VIT: variants seen among roughly 807,000 people sequenced by gnomAD.
VIT encodes the protein vitrin.
VIT carries 99 observed loss-of-function variants against 78.0 expected under a neutral mutation model. The ratio of observed to expected loss-of-function variants is 1.27; its 90% CI spans 1.08 to 1.50. The LOEUF is 1.50. Among genes scored for constraint, VIT ranks in the 40% most tolerant of loss-of-function variants. The probability of loss-of-function intolerance (pLI) is 0.00; values close to 1 mark genes in which losing one functional copy is unlikely to be tolerated. For synonymous variants in VIT, 374 were observed against 334.3 expected, an observed-to-expected ratio of 1.12 and a Z score of -1.29; for missense variants, 1,126 against 875.3, an observed-to-expected ratio of 1.29 and a Z score of -3.61.
chr2:36,715,720 C>T (rs924865883), intron 1 of VIT, among the ~76,000 whole-genome samples: 3 of 151,996 alleles, frequency 2.0e-5, no homozygotes, highest in East Asian at 3.9e-4. Context: ...TTTTAAACTC[C>T]CAGGTGATAC....
intron 4 of VIT, among the ~76,000 whole-genome samples, chr2:36,745,387 G>C (rs755386972): frequency 6.6e-6 from 1 of 151,968 alleles, no homozygotes; most frequent in African/African-American, 2.4e-5. Flanking sequence ...TGTTGAATCT[G>C]TACATTGCTT....
chr2:36,814,177 C>T lies in VIT; in HGVS notation c.1904-6C>T. 6.2e-7 allele frequency: 1 copy of T among 1,614,066 alleles called. No individual in the cohort carries two copies. The highest frequency in any genetic ancestry group is 8.5e-7 in the Non-Finnish European group (1 of 1,179,958). On this transcript the variant is annotated splice_polypyrimidine_tract_variant and splice_region_variant and intron_variant, in intron 15 of 15. Coordinates refer to ENST00000379242, the MANE Select transcript of VIT (RefSeq NM_053276.4). The stretch of plus-strand genomic sequence containing the variant: ...ACATTTGTTCATCTAACCTTTGTCC[C>T]CACAGGAGTGATCACCTATGCGATA...
In VIT at chr2:36,808,693, CAA is replaced by C. The variant is rs767636061; in HGVS notation, c.1613_1614del (p.Lys538ArgfsTer3). 1 of 1,614,206 alleles carries C rather than the reference CAA, an allele frequency of 6.2e-7. No individual in the cohort carries two copies. Among genetic ancestry groups the C allele is most frequent in the Non-Finnish European group, 8.5e-7 (1 of 1,180,030 alleles). On this transcript the variant is annotated frameshift_variant, in exon 15 of 16. Coordinates refer to ENST00000379242, the MANE Select transcript of VIT (RefSeq NM_053276.4). LOFTEE classifies it high-confidence loss of function. ...TCCTCCAGTTTGTGACCAACCTCAC[CAA>C]AGAGTTTGAGATTTCCGACACGGAC... ...TVLQFVTNLT[K>X]EFEISDTDTR...
chr2:36,747,954 A>T (rs1668238060), intron 4 of VIT, among the ~76,000 whole-genome samples: 1 of 152,138 alleles, frequency 6.6e-6, no homozygotes, highest in South Asian at 2.1e-4. Context: ...GCTTATCTGA[A>T]AAGTGTTTTA....
chr2:36,750,113 A>G (rs894761842), intron 4 of VIT, among the ~76,000 whole-genome samples: 30 of 152,256 alleles, frequency 2.0e-4, no homozygotes, highest in Non-Finnish European at 2.9e-4. Context: ...GCTGTTCCAT[A>G]ACTCCAGACT....
chr2:36,808,343 CG>C, intron 14 of VIT, 128 bp from the exon 15 acceptor site: 1 of 1,291,024 alleles, frequency 7.7e-7, no homozygotes, highest in South Asian at 1.6e-5. Context: ...TGGAAGAACA[CG>C]GTAGGAGGGC....
chr2:36,697,067 T>C (rs1400984013), intron 1 of VIT, 94 bp downstream of exon 1: 5 of 145,914 alleles, frequency 3.4e-5, no homozygotes, highest in Admixed American at 6.7e-5. Flanking sequence ...AATACAAAGC[T>C]TGACCGAGTA....
At chr2:36,760,289 G>A (rs1051681521) in intron 6 of VIT, among the ~76,000 whole-genome samples, 3 of 152,106 alleles carry the variant, frequency 2.0e-5, no homozygotes, top group Non-Finnish European at 4.4e-5. Flanking sequence ...CACTGTTCCT[G>A]GCCCATTCTA....
At chr2:36,706,469 A>G (rs183931772) in intron 1 of VIT, among the ~76,000 whole-genome samples, 290 of 152,306 alleles carry the variant, frequency 1.9e-3, no homozygotes, top group African/African-American at 6.6e-3. Context: ...TAGAACCTGG[A>G]AAGTGGTGAG....
At chr2:36,705,209 T>A (rs1402639580) in intron 1 of VIT, among the ~76,000 whole-genome samples, 1 of 152,188 alleles carries the variant, frequency 6.6e-6, no homozygotes, top group Non-Finnish European at 1.5e-5. Context: ...ACCTCGTCTT[T>A]TTGAGGTCCT....
At chr2:36,797,775 C>G (rs541613270) in intron 12 of VIT, among the ~76,000 whole-genome samples, 2 of 152,210 alleles carry the variant, frequency 1.3e-5, no homozygotes, top group East Asian at 3.9e-4. Context: ...GGGGCTAGCA[C>G]CCTATGGAAC....
intron 6 of VIT, among the ~76,000 whole-genome samples, chr2:36,762,835 T>C (rs1404485393): frequency 1.3e-5 from 2 of 152,128 alleles, no homozygotes; most frequent in Non-Finnish European, 2.9e-5. Context: ...TAGAAGGCAC[T>C]TTGATTTGCC....
intron 1 of VIT, among the ~76,000 whole-genome samples, chr2:36,706,286 C>T (rs868533681): frequency 6.6e-6 from 1 of 152,124 alleles, no homozygotes; most frequent in Non-Finnish European, 1.5e-5. Flanking sequence ...TTTCATTTTA[C>T]TACTGATCAT....
chr2:36,765,414 C>CAAGAGAGAGA (rs1553372914), intron 6 of VIT, among the ~76,000 whole-genome samples: 1 of 6,448 alleles, frequency 1.6e-4, no homozygotes, highest in East Asian at 8.9e-3. Flanking sequence ...TGGCAGCAGG[C>CAAGAGAGAGA]GAGAGAGAGA....
At chr2:36,749,477 T>C (rs1337685909) in intron 4 of VIT, among the ~76,000 whole-genome samples, 1 of 152,262 alleles carries the variant, frequency 6.6e-6, no homozygotes, top group Non-Finnish European at 1.5e-5. Flanking sequence ...TTACTTAATA[T>C]CTTTGGCATT....
At position 36,814,298 on chromosome 2, in the gene VIT, T is replaced by A; in HGVS notation, c.2019T>A (p.His673Gln). Residue 673 changes from histidine (H) to glutamine (Q), a missense_variant, in exon 16 of 16, where the codon CAT becomes CAA. Coordinates refer to ENST00000379242, the MANE Select transcript of VIT (RefSeq NM_053276.4). Reference sequence around the variant, plus strand: ...TTGTGGACGAGTTTGACAACCTCCATCAGTATGTCCCCAGGATCATCCAGA... The same window carrying A: ...TTGTGGACGAGTTTGACAACCTCCAACAGTATGTCCCCAGGATCATCCAGA... ...SFFVDEFDNL[H>Q]QYVPRIIQNI... 1.9e-6 allele frequency: 3 copies of A among 1,614,224 alleles called. No individual in the cohort carries two copies. Among genetic ancestry groups the A allele is most frequent in the Non-Finnish European group, 2.5e-6 (3 of 1,180,046 alleles).
intron 15 of VIT, among the ~76,000 whole-genome samples, chr2:36,812,259 G>C (rs1450383308): frequency 1.3e-5 from 2 of 152,118 alleles, no homozygotes; most frequent in Admixed American, 6.5e-5. Context: ...GGTATGCACG[G>C]CTCTCCCAGG....
At chr2:36,724,066 T>G (rs979783289) in intron 2 of VIT, among the ~76,000 whole-genome samples, 1 of 151,902 alleles carries the variant, frequency 6.6e-6, no homozygotes, top group African/African-American at 2.4e-5. Flanking sequence ...TTGCCCAGGC[T>G]GGAGTGCAGT....
At chr2:36,811,468 A>C (rs1275554860) in intron 15 of VIT, among the ~76,000 whole-genome samples, 3 of 152,172 alleles carry the variant, frequency 2.0e-5, no homozygotes, top group African/African-American at 4.8e-5. Flanking sequence ...CTAGGACCAA[A>C]ATATGCAAAT....
Sources: gnomAD v4.1 joint callset for allele counts (sites outside exome capture counted in the v4.1 genomes callset) on GRCh38, gnomAD v4.1.1 for gene constraint, MANE v1.5 for transcripts, NCBI Gene and HGNC (gene_info 2026-07-23, HGNC 2026-07-21) for gene names.